Variants in RSPO2 observed in about 807,000 individuals in gnomAD.
RSPO2 encodes R-spondin 2, also known as R-spondin-2.
Under a neutral mutation model 30.9 loss-of-function variants are expected in RSPO2, and 14 were observed. That is an observed-to-expected ratio of 0.45 (90% CI 0.30 to 0.71). The LOEUF (loss-of-function observed/expected upper bound fraction) is 0.71. Ranked by LOEUF, RSPO2 falls within the 30% of genes least tolerant of loss-of-function variation. RSPO2 has a pLI of 0.08. For missense variants in RSPO2, 264 were observed against 301.9 expected (o/e 0.87, Z 0.93); for synonymous variants, 107 against 96.4 (o/e 1.11, Z -0.64).
At chr8:108,067,635 G>GC (rs1812711401) in intron 2 of RSPO2, among the ~76,000 whole-genome samples, 1 of 152,150 alleles carries the variant, frequency 6.6e-6, no homozygotes, top group South Asian at 2.1e-4. Flanking sequence ...AATAGATCAA[G>GC]CCCCTTGGCA....
intron 5 of RSPO2, among the ~76,000 whole-genome samples, chr8:107,929,012 T>C (rs559604376): frequency 6.6e-6 from 1 of 152,230 alleles, no homozygotes; most frequent in East Asian, 1.9e-4. Flanking sequence ...CAGAGCCAAA[T>C]CACAAGAAAG....
At chr8:108,006,596 C>A (rs552103463) in intron 2 of RSPO2, among the ~76,000 whole-genome samples, 4 of 145,268 alleles carry the variant, frequency 2.8e-5, no homozygotes, top group South Asian at 2.2e-4. Context: ...TTAATACTGG[C>A]AAACTGATTC....
chr8:108,034,780 G>C (rs1226578901), intron 2 of RSPO2, among the ~76,000 whole-genome samples: 3 of 152,154 alleles, frequency 2.0e-5, no homozygotes, highest in Non-Finnish European at 4.4e-5. Flanking sequence ...ATCAAATTGT[G>C]AAATGGCCAG....
In RSPO2 at chr8:107,958,126, A is replaced by G; in HGVS notation, c.570T>C (p.Ile190=). Reference sequence around the variant, plus strand: ...TCATCTTGCATCTCCTGGATTCAGCAATGGTTGGACACAGTATTGTGTCTT... The same window carrying G: ...TCATCTTGCATCTCCTGGATTCAGCGATGGTTGGACACAGTATTGTGTCTT... ...PVKDTILCPT[I]AESRRCKMTM... is the part of the protein sequence containing the mutation. The change falls in exon 5 of 6, where the codon ATT becomes ATC. Residue 190 remains isoleucine, a synonymous_variant. Transcript: ENST00000276659. 1 of 1,613,826 alleles carries G rather than the reference A, an allele frequency of 6.2e-7. No individual in the cohort carries two copies. The highest frequency in any genetic ancestry group is 8.5e-7 in the Non-Finnish European group (1 of 1,179,788).
At chr8:108,042,490 C>A (rs1444037254) in intron 2 of RSPO2, among the ~76,000 whole-genome samples, 1 of 152,138 alleles carries the variant, frequency 6.6e-6, no homozygotes, top group Non-Finnish European at 1.5e-5. Flanking sequence ...TGATTACCTG[C>A]AACCCAAGTC....
intron 3 of RSPO2, among the ~76,000 whole-genome samples, chr8:107,966,660 C>T (rs1308135702): frequency 2.0e-5 from 3 of 152,192 alleles, no homozygotes; most frequent in African/African-American, 7.2e-5. Context: ...CTCAACAGTG[C>T]TTTCAGGGCA....
chr8:108,041,861 C>T (rs1811769024), intron 2 of RSPO2, among the ~76,000 whole-genome samples: 1 of 152,030 alleles, frequency 6.6e-6, no homozygotes, highest in African/African-American at 2.4e-5. Flanking sequence ...GGCATCACAA[C>T]AGGTCAAAGG....
At chr8:107,941,364 C>T (rs1430035819) in intron 5 of RSPO2, among the ~76,000 whole-genome samples, 2 of 152,102 alleles carry the variant, frequency 1.3e-5, no homozygotes, top group Non-Finnish European at 2.9e-5. Flanking sequence ...TCATTAGATG[C>T]TTTGTCTAGA....
chr8:107,920,815 C>T (rs1373144644), intron 5 of RSPO2, among the ~76,000 whole-genome samples: 1 of 152,112 alleles, frequency 6.6e-6, no homozygotes, highest in Non-Finnish European at 1.5e-5. Context: ...ACAACTGGTA[C>T]ATACCTGTAT....
intron 5 of RSPO2, among the ~76,000 whole-genome samples, chr8:107,922,444 A>G (rs964517989): frequency 1.3e-5 from 2 of 152,186 alleles, no homozygotes; most frequent in Non-Finnish European, 2.9e-5. Flanking sequence ...TATGACAGAA[A>G]CAAATAGAAA....
chr8:107,953,698 T>A (rs1182609685), intron 5 of RSPO2, among the ~76,000 whole-genome samples: 3 of 152,150 alleles, frequency 2.0e-5, no homozygotes, highest in African/African-American at 7.2e-5. Context: ...CTACCACTAG[T>A]AACTTGTTAG....
intron 2 of RSPO2, among the ~76,000 whole-genome samples, chr8:108,080,343 A>G (rs1433702388): frequency 6.6e-6 from 1 of 152,068 alleles, no homozygotes; most frequent in Non-Finnish European, 1.5e-5. Context: ...AGAAGAAGAA[A>G]AAAAGTTTGA....
intron 2 of RSPO2, among the ~76,000 whole-genome samples, chr8:108,012,573 A>C (rs866676752): frequency 3.9e-5 from 6 of 152,368 alleles, no homozygotes; most frequent in Middle Eastern, 3.4e-3. Flanking sequence ...TAGAAAAGTC[A>C]AGAATCATAA....
intron 5 of RSPO2, among the ~76,000 whole-genome samples, chr8:107,952,303 AC>A (rs1425356086): frequency 7.9e-5 from 12 of 152,038 alleles, no homozygotes; most frequent in South Asian, 4.2e-4. Context: ...ACACACACAC[AC>A]ACACACACAC....
chr8:108,015,252 G>A (rs1810846529), intron 2 of RSPO2, among the ~76,000 whole-genome samples: 1 of 152,000 alleles, frequency 6.6e-6, no homozygotes, highest in Non-Finnish European at 1.5e-5. Flanking sequence ...CTAGCCTTAG[G>A]GGAAAAAATA....
intron 3 of RSPO2, chr8:107,983,932 G>T: frequency 9.2e-7 from 1 of 1,083,578 alleles, no homozygotes; most frequent in Non-Finnish European, 1.4e-6. Flanking sequence ...CTCTTATGGA[G>T]CTCTCTGAGG....
intron 3 of RSPO2, among the ~76,000 whole-genome samples, chr8:107,980,049 C>A (rs1563548501): frequency 6.6e-6 from 1 of 152,250 alleles, no homozygotes; most frequent in Non-Finnish European, 1.5e-5. Context: ...GCTATGAGTA[C>A]CCTTTACCCT....
intron 3 of RSPO2, among the ~76,000 whole-genome samples, chr8:107,968,600 C>CA (rs914948154): frequency 6.6e-5 from 10 of 151,138 alleles, no homozygotes; most frequent in Non-Finnish European, 8.9e-5. Context: ...GTTCCCAACA[C>CA]AAAAAAAATA....
chr8:107,961,474 A>G (rs902405719), intron 3 of RSPO2, among the ~76,000 whole-genome samples: 7 of 152,212 alleles, frequency 4.6e-5, no homozygotes, highest in Non-Finnish European at 1.0e-4. Flanking sequence ...GGACTAACAG[A>G]GTAACAGCTG....
Sources: allele counts gnomAD v4.1 joint callset (sites outside exome capture counted in the v4.1 genomes callset), GRCh38; gene constraint gnomAD v4.1.1; transcripts MANE v1.5; gene names NCBI Gene and HGNC (gene_info 2026-07-23, HGNC 2026-07-21).